UHMK1: variants seen among roughly 807,000 people sequenced by gnomAD.
UHMK1 encodes the protein U2AF homology motif kinase 1, also known as serine/threonine-protein kinase Kist.
Under a neutral mutation model 44.0 loss-of-function variants are expected in UHMK1, and 18 were observed. The observed-to-expected ratio is 0.41, with a 90% CI of 0.28 to 0.61. The LOEUF (loss-of-function observed/expected upper bound fraction) is 0.61, where lower values mean the gene tolerates loss of function less well. Ranked by LOEUF, UHMK1 falls within the 20% of genes least tolerant of loss-of-function variation. The pLI is 0.31. For synonymous variants in UHMK1, 231 were observed against 198.5 expected, an observed-to-expected ratio of 1.16 and a Z score of -1.38; for missense variants, 463 against 522.5, an observed-to-expected ratio of 0.89 and a Z score of 1.11.
rs1286395476 is a variant in UHMK1 at position 162,511,944 on chromosome 1, G to A, written c.849-556G>A. Among the ~76,000 whole-genome samples the A allele has an allele frequency of 2.6e-5, 4 of 151,850 alleles. No individual in the cohort carries two copies. In the East Asian group the frequency reaches 7.7e-4, roughly 29 times the overall value. On this transcript the variant is annotated intron_variant, in intron 4 of 7. Transcript: ENST00000489294. ...GCTCTCTGATCTGTTTCATCAGTCT[G>A]TGTGTCTGTTTTCATATCAATACCA...
chr1:162,510,491 A>G (rs1402536982), intron 4 of UHMK1, among the ~76,000 whole-genome samples: 1 of 152,144 alleles, frequency 6.6e-6, no homozygotes, highest in Non-Finnish European at 1.5e-5. Flanking sequence ...GTCTTTCTGG[A>G]CCTGGCTTAT....
chr1:162,514,510 A>G (rs1488568414), intron 6 of UHMK1, among the ~76,000 whole-genome samples: 1 of 152,208 alleles, frequency 6.6e-6, no homozygotes, highest in Non-Finnish European at 1.5e-5. Context: ...AATATTACCT[A>G]TTATTAACCA....
rs1651206081 is a variant in UHMK1 at position 162,499,950 on chromosome 1, T to C, written c.269-5T>C. ...TTTTTAAAGTATTATAATTTCTTTT[T>C]CTAGTGACTTTGTATGGAGTGTTTA... is the stretch of plus-strand genomic sequence containing the variant. On this transcript the variant is annotated splice_polypyrimidine_tract_variant and splice_region_variant and intron_variant, in intron 1 of 7. Transcript: ENST00000489294. 1.9e-6 allele frequency: 3 copies of C among 1,612,606 alleles called. No individual in the cohort carries two copies. The highest frequency in any genetic ancestry group is 2.5e-6 in the Non-Finnish European group (3 of 1,179,302).
intron 7 of UHMK1, among the ~76,000 whole-genome samples, chr1:162,520,354 T>C (rs574550845): frequency 8.5e-5 from 13 of 152,356 alleles, no homozygotes; most frequent in African/African-American, 3.1e-4. Context: ...AATACTAATA[T>C]GTATAATTGT....
intron 6 of UHMK1, among the ~76,000 whole-genome samples, chr1:162,514,547 TTATTGCTATATTAA>T (rs1271427534): frequency 6.6e-6 from 1 of 152,200 alleles, no homozygotes; most frequent in Admixed American, 6.5e-5. Flanking sequence ...TTTGTTTTGT[TTATTGCTATATTAA>T]TAGCACTGAC....
chr1:162,519,636 CAA>C (rs747600411), intron 7 of UHMK1, among the ~76,000 whole-genome samples: 32 of 152,254 alleles, frequency 2.1e-4, no homozygotes, highest in Admixed American at 3.9e-4. Flanking sequence ...AATTATATGA[CAA>C]AGAATGTAAG....
Position 162,503,784 on chromosome 1 carries a change from T to C in UHMK1, c.784T>C (p.Phe262Leu). 2 of 1,614,118 alleles carry C rather than the reference T, an allele frequency of 1.2e-6. No homozygotes were observed. ...ANSSAIIDHI[F>L]ASKAVVNAAI... Reference sequence around the variant, plus strand: ...CAGTTCTGCTATTATTGATCACATATTTGCCAGTAAAGCAGTGGTGAATGC... The same window carrying C: ...CAGTTCTGCTATTATTGATCACATACTTGCCAGTAAAGCAGTGGTGAATGC... The change falls in exon 4 of 8, where the codon TTT becomes CTT. Residue 262 changes from phenylalanine (F) to leucine (L), a missense_variant. Transcript: ENST00000489294.
rs1652201674 is a variant in UHMK1, at chr1:162,525,128, T to C, written c.*2578T>C. On this transcript the variant is annotated 3_prime_UTR_variant, in exon 8 of 8. Transcript: ENST00000489294. Reference sequence around the variant, plus strand: ...CCTGTGATTGAAATTATTTTATAGCTCTTAGCCCGTTCTACCAAAGATCAC... The same window carrying C: ...CCTGTGATTGAAATTATTTTATAGCCCTTAGCCCGTTCTACCAAAGATCAC... 1 of 152,138 alleles carries C rather than the reference T, an allele frequency of 6.6e-6. No individual in the cohort carries two copies. Among genetic ancestry groups the C allele is most frequent in the Non-Finnish European group, 1.5e-5 (1 of 68,024 alleles). The allele number at this position is 152,138 out of a possible 1,614,324, so 9.4% of individuals were successfully genotyped here.
chr1:162,503,259 G>A (rs1326625497), intron 3 of UHMK1, among the ~76,000 whole-genome samples: 1 of 151,746 alleles, frequency 6.6e-6, no homozygotes. Flanking sequence ...TGAAAATGAA[G>A]AAAAAAATGT....
At chr1:162,503,611 CAAAAAA>C (rs33964112) in intron 3 of UHMK1, 137 bp from the exon 4 acceptor site, 1,651 of 356,698 alleles carry the variant, frequency 4.6e-3, no homozygotes, top group South Asian at 7.3e-3. Context: ...ACCCTGTCTC[CAAAAAA>C]AAAAAAAAAA....
At chr1:162,512,253 C>T (rs1651693856) in intron 4 of UHMK1, among the ~76,000 whole-genome samples, 1 of 151,300 alleles carries the variant, frequency 6.6e-6, no homozygotes, top group South Asian at 2.1e-4. Context: ...GTGTGGATCA[C>T]TTTGCAGTGT....
At chr1:162,518,306 G>T in intron 7 of UHMK1, 116 bp downstream of exon 7, 9 of 631,854 alleles carry the variant, frequency 1.4e-5, no homozygotes, top group South Asian at 1.0e-4. Context: ...TATGAGTTTT[G>T]CATTTTAATG....
rs1652277017 is a variant in UHMK1, at chr1:162,527,092, A to G, written c.*4542A>G. The G allele has an allele frequency of 6.6e-6, 1 of 152,124 alleles. No individual in the cohort carries two copies. The highest frequency in any genetic ancestry group is 2.4e-5 in the African/African-American group (1 of 41,462). 9.4% of individuals were successfully genotyped at this position (152,124 alleles called of 1,614,324 possible). On this transcript the variant is annotated 3_prime_UTR_variant, in exon 8 of 8. Coordinates refer to ENST00000489294, the MANE Select transcript of UHMK1 (RefSeq NM_175866.5). Reference sequence around the variant, plus strand: ...TGAGCCTCTTGTGGTATATTAAGATAAGTCCCATTCTTAATCACAGAAGAA... The same window carrying G: ...TGAGCCTCTTGTGGTATATTAAGATGAGTCCCATTCTTAATCACAGAAGAA...
chr1:162,505,479 A>T (rs769096787), intron 4 of UHMK1, among the ~76,000 whole-genome samples: 4 of 152,232 alleles, frequency 2.6e-5, no homozygotes, highest in Non-Finnish European at 5.9e-5. Flanking sequence ...TATCAAGTAC[A>T]GTAGTTTTGT....
chr1:162,501,272 C>G (rs899249519), intron 3 of UHMK1, among the ~76,000 whole-genome samples, 168 bp downstream of exon 3: 1 of 152,124 alleles, frequency 6.6e-6, no homozygotes, highest in Non-Finnish European at 1.5e-5. Context: ...CGGTTTCAAC[C>G]AATTCTCCTG....
rs138402827 is a variant in UHMK1, at chr1:162,500,034, C to T, written c.348C>T (p.Val116=). The stretch of plus-strand genomic sequence containing the variant: ...GTCTGTTGCTTGAACTCCTGGATGT[C>T]AGTGTTTCGGAATTGCTCTTATATT... ...SRCLLLELLD[V]SVSELLLYSS... The change falls in exon 2 of 8, where the codon GTC becomes GTT. Residue 116 remains valine (V), a synonymous_variant. Coordinates refer to ENST00000489294, the MANE Select transcript of UHMK1 (RefSeq NM_175866.5). 6.2e-7 allele frequency: 1 copy of T among 1,614,186 alleles called. No homozygotes were observed. Among genetic ancestry groups the T allele is most frequent in the East Asian group, 2.2e-5 (1 of 44,882 alleles).
chr1:162,507,564 C>A (rs1413971815), intron 4 of UHMK1, among the ~76,000 whole-genome samples: 2 of 151,690 alleles, frequency 1.3e-5, no homozygotes, highest in Non-Finnish European at 2.9e-5. Context: ...TAAGCCACCA[C>A]CCCCAACCCA....
chr1:162,506,754 A>G (rs933407112), intron 4 of UHMK1, among the ~76,000 whole-genome samples: 1 of 151,936 alleles, frequency 6.6e-6, no homozygotes, highest in African/African-American at 2.4e-5. Context: ...AATCCTAGCT[A>G]CTCAGGAGGC....
intron 6 of UHMK1, among the ~76,000 whole-genome samples, chr1:162,514,125 T>C (rs6427674): frequency 0.46 from 69,390 of 151,824 alleles, 15,889 homozygotes; most frequent in East Asian, 0.47. Flanking sequence ...GTTAAGAGTG[T>C]AGGCTTAACA....
Sources: gnomAD v4.1 joint callset for allele counts (sites outside exome capture counted in the v4.1 genomes callset) on GRCh38, gnomAD v4.1.1 for gene constraint, MANE v1.5 for transcripts, NCBI Gene and HGNC (gene_info 2026-07-23, HGNC 2026-07-21) for gene names.